HGFAC: variants seen among roughly 807,000 people sequenced by gnomAD.
HGFAC encodes hepatocyte growth factor activator serine protease.
In HGFAC, 76 loss-of-function variants were observed where a neutral mutation model predicts 70.6. The ratio of observed to expected loss-of-function variants is 1.08; its 90% CI spans 0.89 to 1.30. The LOEUF (loss-of-function observed/expected upper bound fraction) is 1.30. Ranked by LOEUF, HGFAC falls within the 50% of genes most tolerant of loss-of-function variation. The pLI is 0.00. For missense variants in HGFAC, 1,044 were observed against 933.7 expected, an observed-to-expected ratio of 1.12 and a Z score of -1.54; for synonymous variants, 464 against 405.3, an observed-to-expected ratio of 1.14 and a Z score of -1.74.
At chr4:3,447,824 C>T (rs1210805939) in intron 11 of HGFAC, 71 bp from the exon 12 acceptor site, 15 of 1,575,514 alleles carry the variant, frequency 9.5e-6, no homozygotes, top group South Asian at 1.2e-5. Context: ...ACCCTCCCTC[C>T]ACCACGGGCC....
At chr4:3,446,015 G>C (rs866972836) in intron 9 of HGFAC, 27 bp from the exon 10 acceptor site, 1 of 1,605,092 alleles carries the variant, frequency 6.2e-7, no homozygotes, top group Non-Finnish European at 8.5e-7. Flanking sequence ...AACCCCAGGG[G>C]TGTGACCCGG....
chr4:3,449,382 G>T lies in HGFAC; in HGVS notation c.1931G>T (p.Arg644Leu). 5 of 1,581,792 alleles carry T rather than the reference G, an allele frequency of 3.2e-6. No homozygotes were observed. Among genetic ancestry groups the T allele is most frequent in the Non-Finnish European group, 4.3e-6 (5 of 1,160,824 alleles). ...AACTATGTGGACTGGATCAACGACC[G>T]GATACGGCCTCCCAGGCGGCTTGTG... ...VANYVDWIND[R>L]IRPPRRLVAP... The change falls in exon 14 of 14, where the codon CGG (arginine) becomes CTG (leucine). Residue 644 changes from arginine (R) to leucine (L), a missense_variant. Coordinates refer to ENST00000382774, the MANE Select transcript of HGFAC (RefSeq NM_001528.4).
upstream of HGFAC, among the ~76,000 whole-genome samples, chr4:3,441,718 A>G (rs1725318502): frequency 6.6e-6 from 1 of 152,214 alleles, no homozygotes. The surrounding 1 kb of genome is among the most constrained non-coding windows in gnomAD (Gnocchi z 6.0). Context: ...TTATCCTGGA[A>G]GACTTCCTGG....
In HGFAC at chr4:3,446,023, C is replaced by T. The variant is rs776561403; in HGVS notation, c.1103-19C>T. ...CCCTGTGAACCCCAGGGGTGTGACC[C>T]GGTGACCTTTGCTCCCAGAATCCCT... On this transcript the variant is annotated intron_variant, in intron 9 of 13. Coordinates refer to ENST00000382774, the MANE Select transcript of HGFAC (RefSeq NM_001528.4). The T allele has an allele frequency of 3.7e-5, 59 of 1,605,468 alleles. No individual in the cohort carries two copies. The highest frequency in any genetic ancestry group is 4.4e-5 in the Non-Finnish European group (52 of 1,176,004).
chr4:3,444,404 T>TG lies in HGFAC; in HGVS notation c.692_693insG (p.Phe231LeufsTer53). The TG allele has an allele frequency of 1.2e-6, 2 of 1,605,112 alleles. No homozygotes were observed. Among genetic ancestry groups the TG allele is most frequent in the Non-Finnish European group, 1.7e-6 (2 of 1,177,150 alleles). ...GGCCACGTGGAACAGTGCGAGTGCTTCGGGGGCCGGACCTGGTGCGAAGGC... is the reference window on the plus strand; with the variant it reads ...GGCCACGTGGAACAGTGCGAGTGCTTGCGGGGGCCGGACCTGGTGCGAAGGC... On this transcript the variant is annotated frameshift_variant, in exon 6 of 14. Transcript: ENST00000382774. LOFTEE classifies it high-confidence loss of function.
Position 3,442,091 on chromosome 4 carries a change from A to T in HGFAC, c.90A>T (p.Pro30=). The change falls in exon 1 of 14, where the codon CCA becomes CCT. Residue 30 remains proline (P), a synonymous_variant. Transcript: ENST00000382774. ...TCCTCCTGCTGCTGCTGCTGCTGCC[A>T]CGGGGGTTCCAGCCCCAGCCTGGCG... ...LLLLLLLLLL[P]RGFQPQPGGN... 6.4e-7 allele frequency: 1 copy of T among 1,559,846 alleles called. No homozygotes were observed. The highest frequency in any genetic ancestry group is 8.6e-7 in the Non-Finnish European group (1 of 1,164,486).
rs760618805 is a variant in HGFAC, at chr4:3,442,067, C to A, written c.66C>A (p.Leu22=). The A allele has an allele frequency of 5.8e-5, 90 of 1,556,380 alleles. 1 individual carries two copies. In the East Asian group the frequency reaches 6.8e-4, roughly 12 times the overall value. Residue 22 remains leucine (L), a synonymous_variant, in exon 1 of 14, where the codon CTC becomes CTA. Coordinates refer to ENST00000382774, the MANE Select transcript of HGFAC (RefSeq NM_001528.4). ...PPPGLGPFLL[L]LLLLLLLPRG... Reference sequence around the variant, plus strand: ...CGGGGCTGGGCCCCTTCCTCCTCCTCCTCCTGCTGCTGCTGCTGCTGCCAC... The same window carrying A: ...CGGGGCTGGGCCCCTTCCTCCTCCTACTCCTGCTGCTGCTGCTGCTGCCAC...
In HGFAC at chr4:3,442,025, C is replaced by CA; in HGVS notation, c.25dup (p.Ser9LysfsTer40). 6.6e-7 allele frequency: 1 copy of CA among 1,514,246 alleles called. No individual in the cohort carries two copies. The highest frequency in any genetic ancestry group is 8.7e-7 in the Non-Finnish European group (1 of 1,147,792). 93.8% of individuals were successfully genotyped at this position (1,514,246 alleles called of 1,614,324 possible). A position where few individuals can be genotyped will look rare whatever the true frequency, so the allele number is the denominator to read the frequency against. On this transcript the variant is annotated frameshift_variant, in exon 1 of 14. Transcript: ENST00000382774. LOFTEE classifies it high-confidence loss of function. ...CCATGGGGCGCTGGGCCTGGGTCCC[C>CA]AGCCCCTGGCCCCCACCGGGGCTGG...
At position 3,444,558 on chromosome 4, in the gene HGFAC, G is replaced by T. The variant is rs778787922; in HGVS notation, c.731-65G>T. The T allele has an allele frequency of 1.9e-3, 2,810 of 1,507,334 alleles. 10 individuals are homozygous for T. Among genetic ancestry groups the T allele is most frequent in the Non-Finnish European group, 2.3e-3 (2,607 of 1,122,882 alleles). 93.4% of individuals were successfully genotyped at this position (1,507,334 alleles called of 1,614,324 possible). Reference sequence around the variant, plus strand: ...AACAAGGGACAAGGGGTGGACCCCGGCCCCGACTCCGCTGTCGTGGGGCAC... The same window carrying T: ...AACAAGGGACAAGGGGTGGACCCCGTCCCCGACTCCGCTGTCGTGGGGCAC... On this transcript the variant is annotated intron_variant, in intron 6 of 13. Transcript: ENST00000382774.
chr4:3,442,598 G>A (rs138017597), intron 1 of HGFAC, 134 bp from the exon 2 acceptor site: 17 of 572,648 alleles, frequency 3.0e-5, no homozygotes, highest in Non-Finnish European at 4.5e-5. Flanking sequence ...CAGGAATGTC[G>A]TGTGTCCTCC....
chr4:3,446,796 G>C (rs1199204582), intron 10 of HGFAC, among the ~76,000 whole-genome samples: 1 of 152,182 alleles, frequency 6.6e-6, no homozygotes, highest in East Asian at 1.9e-4. Context: ...AGACGGAGCA[G>C]CCTGGGCCAG....
Position 3,444,626 on chromosome 4 carries a change from G to T in HGFAC, c.734G>T (p.Cys245Phe), listed in dbSNP as rs1725432390. 2 of 1,593,314 alleles carry T rather than the reference G, an allele frequency of 1.3e-6. No homozygotes were observed. Among genetic ancestry groups the T allele is most frequent in the Admixed American group, 3.4e-5 (2 of 59,046 alleles). Residue 245 changes from cysteine to phenylalanine, a missense_variant, in exon 7 of 14, where the codon TGT becomes TTT. Cys to Phe is a radical substitution (Grantham distance 205). Transcript: ENST00000382774. ...AGCTCCTCGGCCCTGCCCCCAGCTT[G>T]TCTGAGCAGCCCTTGCCTGAACGGG... Reference protein sequence around the residue: ...TWCEGTRHTACLSSPCLNGGT... With the variant: ...TWCEGTRHTAFLSSPCLNGGT...
At chr4:3,442,992 C>A in intron 2 of HGFAC, 58 bp from the exon 3 acceptor site, 1 of 1,548,468 alleles carries the variant, frequency 6.5e-7, no homozygotes, top group South Asian at 1.1e-5. Flanking sequence ...GGCTGGAGGT[C>A]CTGAGGGGCT....
chr4:3,447,357 G>A, intron 10 of HGFAC, 135 bp from the exon 11 acceptor site: 1 of 887,044 alleles, frequency 1.1e-6, no homozygotes, highest in South Asian at 1.6e-5. Context: ...CCACACCCAG[G>A]CACCTGCTCA....
upstream of HGFAC, among the ~76,000 whole-genome samples, chr4:3,441,028 T>TCCCA (rs749709613): frequency 2.6e-5 from 4 of 151,978 alleles, no homozygotes; most frequent in East Asian, 7.8e-4. This position sits in a 1 kb window ranked among gnomAD's most constrained non-coding sequence, Gnocchi z 6.0. Flanking sequence ...TCACCCCTCC[T>TCCCA]CCCACCTCGG....
intron 2 of HGFAC, 24 bp downstream of exon 2, chr4:3,442,936 A>C: frequency 2.6e-6 from 4 of 1,557,298 alleles, no homozygotes; most frequent in Non-Finnish European, 2.6e-6. Flanking sequence ...GCCTGGGAGG[A>C]GGTGTCGTGC....
In HGFAC at chr4:3,443,907, G is replaced by T. The variant is rs183442990; in HGVS notation, c.476-132G>T. 1,093 of 983,128 alleles carry T rather than the reference G, an allele frequency of 1.1e-3. 9 individuals are homozygous for T. In the African/African-American group the frequency reaches 0.016, roughly 15 times the overall value. The allele number at this position is 983,128 out of a possible 1,614,324, so 60.9% of individuals were successfully genotyped here. A position where few individuals can be genotyped will look rare whatever the true frequency, so the allele number is the denominator to read the frequency against. On this transcript the variant is annotated intron_variant, in intron 4 of 13. Transcript: ENST00000382774. ...TCCCAGGGACCTTGCACCCCGAGGG[G>T]CGTAGAGAGGGCCCCTTTGCTCTCA...
Position 3,444,412 on chromosome 4 carries a change from CGG to C in HGFAC, c.701_702del (p.Arg234HisfsTer49). 6.2e-7 allele frequency: 1 copy of C among 1,602,918 alleles called. No homozygotes were observed. Among genetic ancestry groups the C allele is most frequent in the Non-Finnish European group, 8.5e-7 (1 of 1,176,092 alleles). ...HVEQCECFGG[R>X]TWCEGTRHTA... ...GGAACAGTGCGAGTGCTTCGGGGGC[CGG>C]ACCTGGTGCGAAGGCACCCGACATA... On this transcript the variant is annotated frameshift_variant, in exon 6 of 14. Coordinates refer to ENST00000382774, the MANE Select transcript of HGFAC (RefSeq NM_001528.4). LOFTEE classifies it high-confidence loss of function.
chr4:3,445,968 G>A (rs568348429), intron 9 of HGFAC, 74 bp from the exon 10 acceptor site: 43 of 1,580,278 alleles, frequency 2.7e-5, no homozygotes, highest in East Asian at 2.1e-4. Flanking sequence ...GCCTCCTGCC[G>A]GGTAGGGCCT....
Sources: gnomAD v4.1 joint callset for allele counts (sites outside exome capture counted in the v4.1 genomes callset) on GRCh38, gnomAD v4.1.1 for gene constraint, Gnocchi (gnomAD v3.1) non-coding constraint, MANE v1.5 for transcripts, NCBI Gene and HGNC (gene_info 2026-07-23, HGNC 2026-07-21) for gene names.